The following SLC25A21 variants were observed in gnomAD, a reference collection of about 807,000 sequenced individuals.
SLC25A21 encodes mitochondrial 2-oxodicarboxylate carrier.
A neutral mutation model predicts 43.8 loss-of-function variants in SLC25A21; 47 were observed. The ratio of observed to expected loss-of-function variants is 1.07; its 90% confidence interval spans 0.85 to 1.37. The LOEUF (loss-of-function observed/expected upper bound fraction) is 1.37, where lower values mean the gene tolerates loss of function less well. SLC25A21 is among the 40% of genes most tolerant of loss of function. The pLI is 0.00. For synonymous variants in SLC25A21, 131 were observed against 121.3 expected (o/e 1.08, Z -0.52); for missense variants, 352 against 350.2 (o/e 1.00, Z -0.04).
chr14:37,020,495 A>C (rs1474445020), intron 1 of SLC25A21, among the ~76,000 whole-genome samples: 1 of 151,772 alleles, frequency 6.6e-6, no homozygotes, highest in Non-Finnish European at 1.5e-5. Context: ...ATTTGACTCC[A>C]AATTCCACTG....
rs1017220925 is a variant in SLC25A21 at position 37,136,472 on chromosome 14, G to C, written c.70+35809C>G. Among the ~76,000 whole-genome samples the C allele has an allele frequency of 9.2e-5, 14 of 152,230 alleles. 1 individual carries two copies. The highest frequency in any genetic ancestry group is 3.4e-4 in the African/African-American group (14 of 41,546). On this transcript the variant is annotated intron_variant, in intron 1 of 9. Transcript: ENST00000331299. ...AAGACATGGATATTCCTACATGCCA[G>C]AGATGTTGTTATAATTAAGTTCTTT...
At chr14:36,732,846 C>A (rs1463376478) in intron 4 of SLC25A21, among the ~76,000 whole-genome samples, 1 of 152,118 alleles carries the variant, frequency 6.6e-6, no homozygotes, top group South Asian at 2.1e-4. Flanking sequence ...ACACTTAACT[C>A]CAAGTTATAC....
chr14:36,683,779 C>T lies in SLC25A21; in HGVS notation c.838+49G>A, dbSNP rs78248032. The T allele has an allele frequency of 2.6e-4, 356 of 1,345,898 alleles. 1 individual carries two copies. The highest frequency in any genetic ancestry group is 2.2e-3 in the African/African-American group (150 of 68,006). The allele number at this position is 1,345,898 out of a possible 1,614,324, so 83.4% of individuals were successfully genotyped here. A position where few individuals can be genotyped will look rare whatever the true frequency, so the allele number is the denominator to read the frequency against. On this transcript the variant is annotated intron_variant, in intron 9 of 9. Coordinates refer to ENST00000331299, the MANE Select transcript of SLC25A21 (RefSeq NM_030631.4). ...TGGACACAAATATCAAAAAAAGAGA[C>T]GCTAGAACAATAAAGAAGGAAGGAT...
intron 7 of SLC25A21, among the ~76,000 whole-genome samples, chr14:36,703,716 T>C (rs1883378746): frequency 1.3e-5 from 2 of 152,216 alleles, no homozygotes; most frequent in Admixed American, 6.5e-5. Flanking sequence ...GAAGTAAATA[T>C]GGAACTAGAA....
chr14:36,961,060 A>T (rs1017554368), intron 1 of SLC25A21, among the ~76,000 whole-genome samples: 1 of 152,122 alleles, frequency 6.6e-6, no homozygotes, highest in African/African-American at 2.4e-5. Flanking sequence ...TCAAACTTTC[A>T]TCTACAGAAT....
chr14:37,075,199 CCTT>C (rs2138830667), intron 1 of SLC25A21, among the ~76,000 whole-genome samples: 1 of 152,184 alleles, frequency 6.6e-6, no homozygotes, highest in East Asian at 1.9e-4. Context: ...TTAACGTTTT[CCTT>C]CTTCTTTCAA....
chr14:37,100,039 T>C (rs1317601777), intron 1 of SLC25A21, among the ~76,000 whole-genome samples: 4 of 151,310 alleles, frequency 2.6e-5, no homozygotes, highest in Non-Finnish European at 2.9e-5. Flanking sequence ...TGTTTGTTTG[T>C]TTGTTTGTTT....
intron 1 of SLC25A21, among the ~76,000 whole-genome samples, chr14:37,065,938 G>T (rs960103720): frequency 6.6e-6 from 1 of 152,150 alleles, no homozygotes; most frequent in East Asian, 1.9e-4. Context: ...AATGATTGTA[G>T]TAAAGATTAA....
intron 1 of SLC25A21, chr14:37,097,998 A>C (rs2138859848): frequency 6.6e-6 from 1 of 152,332 alleles, no homozygotes; most frequent in East Asian, 1.9e-4. Flanking sequence ...ATCCAGGTAA[A>C]AAGTTCCTTT....
At position 36,680,695 on chromosome 14, in the gene SLC25A21, T is replaced by C. The variant is rs1424722556; in HGVS notation, c.863A>G (p.Tyr288Cys). 1 of 1,613,390 alleles carries C rather than the reference T, an allele frequency of 6.2e-7. No individual in the cohort carries two copies. The highest frequency in any genetic ancestry group is 1.1e-5 in the South Asian group (1 of 90,884). Residue 288 changes from tyrosine (Y) to cysteine (C), a missense_variant, in exon 10 of 10, where the codon TAT (tyrosine) becomes TGT (cysteine). Transcript: ENST00000331299. ...TTGAAGCCATGAATAGGTGTATTCA[T>C]AAACCAGCAGCATCACTGCACCACC... ...GPGGAVMLLV[Y>C]EYTYSWLQEN... is the part of the protein sequence containing the mutation.
chr14:37,096,413 G>A (rs1566878319), intron 1 of SLC25A21, among the ~76,000 whole-genome samples: 1 of 152,060 alleles, frequency 6.6e-6, no homozygotes, highest in African/African-American at 2.4e-5. Flanking sequence ...ATTTCTCTAG[G>A]TTTGGAAAGT....
At chr14:36,864,032 T>C (rs1233667165) in intron 2 of SLC25A21, among the ~76,000 whole-genome samples, 4 of 152,204 alleles carry the variant, frequency 2.6e-5, no homozygotes, top group Non-Finnish European at 4.4e-5. Flanking sequence ...AATCTCTTCA[T>C]AGGGTCATGG....
chr14:36,878,769 C>A (rs947872130), intron 1 of SLC25A21, among the ~76,000 whole-genome samples: 3 of 152,046 alleles, frequency 2.0e-5, no homozygotes, highest in African/African-American at 7.2e-5. Context: ...ATAATCCATC[C>A]TAATTGCGAT....
rs1892299272 is a variant in SLC25A21 at position 36,931,745 on chromosome 14, AGAACATGGAG to A, written c.71-56751_71-56742del. Reference sequence around the variant, plus strand: ...AGGTAAATTCAAAAGACATGGAGTTAGAACATGGAGTTAGAATAGATGGGACTTGGTAACT... The same window carrying A: ...AGGTAAATTCAAAAGACATGGAGTTATTAGAATAGATGGGACTTGGTAACT... On this transcript the variant is annotated intron_variant, in intron 1 of 9. Transcript: ENST00000331299. Among the ~76,000 whole-genome samples the A allele has an allele frequency of 1.7e-4, 3 of 17,542 alleles. No individual in the cohort carries two copies. In the Admixed American group the frequency reaches 2.2e-3, roughly 13 times the overall value. The allele number at this position is 17,542 out of a possible 152,430, so 11.5% of individuals were successfully genotyped here.
chr14:36,984,243 GGC>G (rs1185308391), intron 1 of SLC25A21, among the ~76,000 whole-genome samples: 6 of 152,074 alleles, frequency 3.9e-5, no homozygotes, highest in Admixed American at 3.9e-4. Flanking sequence ...GCCCCAATAA[GGC>G]TATTTATGTG....
At chr14:37,031,743 C>T (rs924202452) in intron 1 of SLC25A21, among the ~76,000 whole-genome samples, 5 of 152,162 alleles carry the variant, frequency 3.3e-5, no homozygotes, top group Non-Finnish European at 7.3e-5. Context: ...TGGAAAGGAC[C>T]TTAGAAACTA....
At chr14:37,080,031 T>C (rs1962355492) in intron 1 of SLC25A21, among the ~76,000 whole-genome samples, 1 of 151,996 alleles carries the variant, frequency 6.6e-6, no homozygotes, top group South Asian at 2.1e-4. Flanking sequence ...AGAAAGAAGG[T>C]CCATACCAGA....
intron 2 of SLC25A21, among the ~76,000 whole-genome samples, chr14:36,834,820 C>A (rs1889153849): frequency 6.6e-6 from 1 of 151,890 alleles, no homozygotes; most frequent in South Asian, 2.1e-4. Context: ...GCCTTTTTGT[C>A]AAGTGACATT....
chr14:37,094,940 C>T (rs1311292172), intron 1 of SLC25A21, among the ~76,000 whole-genome samples: 4 of 151,918 alleles, frequency 2.6e-5, no homozygotes, highest in Non-Finnish European at 4.4e-5. Context: ...TTGAAAATTG[C>T]TAAGAGATTA....
Sources: allele counts gnomAD v4.1 joint callset (sites outside exome capture counted in the v4.1 genomes callset), GRCh38; gene constraint gnomAD v4.1.1; transcripts MANE v1.5; gene names NCBI Gene and HGNC (gene_info 2026-07-23, HGNC 2026-07-21).